Variants in MGST1 observed in about 807,000 individuals in gnomAD.
MGST1 encodes the protein microsomal glutathione S-transferase 1.
MGST1 carries 5 observed loss-of-function variants against 8.9 expected under a neutral mutation model. That is an observed-to-expected ratio of 0.56 (90% CI 0.29 to 1.19). The LOEUF (loss-of-function observed/expected upper bound fraction) is 1.19, where lower values mean the gene tolerates loss of function less well. Ranked by LOEUF, MGST1 falls within the 50% of genes most tolerant of loss-of-function variation. The pLI, the probability that MGST1 is intolerant of heterozygous loss-of-function variation, is 0.08. For missense variants in MGST1, 182 were observed against 187.4 expected (o/e 0.97, Z 0.17); for synonymous variants, 54 against 67.8 (o/e 0.80, Z 1.00).
In MGST1 at chr12:16,363,749, C is replaced by T; in HGVS notation, c.222-46C>T. On this transcript the variant is annotated intron_variant, in intron 3 of 3. Transcript: ENST00000396210. The surrounding 1 kb of genome is among the most constrained non-coding windows in gnomAD (Gnocchi z 4.6). ...AAGAGAGAGAAAAAAGGATACATAT[C>T]TAGTATTTTGAAATTAGTGTCTTTA... The T allele has an allele frequency of 6.8e-7, 1 of 1,468,286 alleles. No homozygotes were observed. Among genetic ancestry groups the T allele is most frequent in the Non-Finnish European group, 9.2e-7 (1 of 1,086,270 alleles). The allele number at this position is 1,468,286 out of a possible 1,614,324, so 91.0% of individuals were successfully genotyped here. A position where few individuals can be genotyped will look rare whatever the true frequency, so the allele number is the denominator to read the frequency against.
At chr12:16,526,690 G>T (rs1318597887) in intron 4 of MGST1, among the ~76,000 whole-genome samples, 1 of 151,902 alleles carries the variant, frequency 6.6e-6, no homozygotes, top group African/African-American at 2.4e-5. Flanking sequence ...ATTAGGTAAG[G>T]TATTTATAAT....
intron 4 of MGST1, among the ~76,000 whole-genome samples, chr12:16,580,503 G>A (rs1021253898): frequency 6.6e-6 from 1 of 152,134 alleles, no homozygotes; most frequent in East Asian, 1.9e-4. Flanking sequence ...ATCTTGGATT[G>A]GATCTTGATT....
At chr12:16,400,190 T>C in intron 1 of MGST1, 1 of 1,022,420 alleles carries the variant, frequency 9.8e-7, no homozygotes, top group Non-Finnish European at 1.6e-6. Context: ...TCCGTGGTTG[T>C]CTCTCCCACT....
intron 1 of MGST1, among the ~76,000 whole-genome samples, chr12:16,405,838 A>G (rs1164560305): frequency 6.6e-6 from 1 of 152,232 alleles, no homozygotes; most frequent in Non-Finnish European, 1.5e-5. Context: ...TAGACATAGA[A>G]AAGGCTTTTG....
chr12:16,460,597 G>GTTTT (rs368666166), intron 4 of MGST1, among the ~76,000 whole-genome samples: 2 of 131,998 alleles, frequency 1.5e-5, no homozygotes, highest in Non-Finnish European at 3.2e-5. Flanking sequence ...ATTCAGGTCA[G>GTTTT]TTTTTTTTTT....
At chr12:16,591,738 T>C (rs1943500931), downstream of MGST1, among the ~76,000 whole-genome samples, 1 of 152,064 alleles carries the variant, frequency 6.6e-6, no homozygotes, top group African/African-American at 2.4e-5. The surrounding 1 kb of genome is among the most constrained non-coding windows in gnomAD (Gnocchi z 4.1). Context: ...ACAAATAGCA[T>C]GAAAGTTACA....
At chr12:16,371,997 C>CT (rs1940301124) in intron 3 of MGST1, among the ~76,000 whole-genome samples, 1 of 151,960 alleles carries the variant, frequency 6.6e-6, no homozygotes, top group Admixed American at 6.6e-5. Flanking sequence ...AAAAAGGAAA[C>CT]TAGACCTCTA....
chr12:16,446,379 C>G (rs1170889855), intron 4 of MGST1, among the ~76,000 whole-genome samples: 1 of 151,922 alleles, frequency 6.6e-6, no homozygotes, highest in Non-Finnish European at 1.5e-5. Context: ...AAACCTCACT[C>G]AGGTCCAGGA....
In MGST1 at chr12:16,430,832, C is replaced by T. The variant is rs937508778; in HGVS notation, n.779-6556C>T. Among the ~76,000 whole-genome samples the T allele has an allele frequency of 1.1e-4, 17 of 152,232 alleles. No individual in the cohort carries two copies. In the East Asian group the frequency reaches 1.4e-3, roughly 12 times the overall value. On this transcript the variant is annotated intron_variant and non_coding_transcript_variant, in intron 1 of 1. Coordinates refer to the MGST1 transcript ENST00000359720. ...TCTGCATTAGCCTCTAACAAGACAG[C>T]GAGCCCGTCCTTTGAAGCTTTCAAG... is the stretch of plus-strand genomic sequence containing the variant.
At chr12:16,360,717 A>C (rs1939949792) in intron 3 of MGST1, among the ~76,000 whole-genome samples, 1 of 152,186 alleles carries the variant, frequency 6.6e-6, no homozygotes, top group African/African-American at 2.4e-5. Flanking sequence ...CAGGAGAGAC[A>C]TTTAGAATAT....
At chr12:16,348,246 A>G (rs1939288580) in intron 1 of MGST1, among the ~76,000 whole-genome samples, 1 of 152,192 alleles carries the variant, frequency 6.6e-6, no homozygotes, top group Admixed American at 6.5e-5. Flanking sequence ...ACTGCTAATA[A>G]TGCTAGCTAT....
At chr12:16,579,185 T>C (rs1240872262) in intron 4 of MGST1, among the ~76,000 whole-genome samples, 1 of 152,166 alleles carries the variant, frequency 6.6e-6, no homozygotes, top group Non-Finnish European at 1.5e-5. Flanking sequence ...ATATATATAT[T>C]CCCTTAGATA....
intron 1 of MGST1, among the ~76,000 whole-genome samples, chr12:16,428,155 T>A (rs1389134980): frequency 6.6e-6 from 1 of 151,980 alleles, no homozygotes; most frequent in Non-Finnish European, 1.5e-5. Flanking sequence ...TTTTCATAAA[T>A]GTCCCTTCAT....
chr12:16,366,628 T>TACACACACACAC (rs374809283), downstream of MGST1, among the ~76,000 whole-genome samples: 1 of 83,926 alleles, frequency 1.2e-5, no homozygotes, highest in Admixed American at 1.2e-4. This position sits in a 1 kb window ranked among gnomAD's most constrained non-coding sequence, Gnocchi z 4.0. Context: ...TATCTGTGTG[T>TACACACACACAC]ACACACACAC....
chr12:16,528,148 C>T (rs1296569066), intron 4 of MGST1, among the ~76,000 whole-genome samples: 9 of 151,972 alleles, frequency 5.9e-5, no homozygotes, highest in African/African-American at 2.2e-4. Context: ...AATTCCAAAT[C>T]GTTTTGGCTT....
chr12:16,557,635 T>G (rs1942241985), intron 4 of MGST1, among the ~76,000 whole-genome samples: 2 of 152,074 alleles, frequency 1.3e-5, no homozygotes, highest in Admixed American at 6.5e-5. Context: ...ATATATGTCT[T>G]GTGGGAAAGT....
At chr12:16,552,856 T>A (rs973995421) in intron 4 of MGST1, among the ~76,000 whole-genome samples, 3 of 152,086 alleles carry the variant, frequency 2.0e-5, no homozygotes, top group South Asian at 2.1e-4. Context: ...AATAATGGTG[T>A]TTGTGCAAGC....
In MGST1 at chr12:16,586,663, C is replaced by A. The variant is rs768994326; in HGVS notation, n.483-2865C>A. On this transcript the variant is annotated intron_variant and non_coding_transcript_variant, in intron 4 of 4. Coordinates refer to the MGST1 transcript ENST00000538857. The surrounding 1 kb of genome is among the most constrained non-coding windows in gnomAD (Gnocchi z 4.3). ...CCTAGGATGTGGCAATAAGGCTATA[C>A]CGTCGGGGTAGAGATTTCAAGATAC... 3.9e-5 allele frequency among the ~76,000 whole-genome samples: 6 copies of A among 152,184 alleles called. No homozygotes were observed. The highest frequency in any genetic ancestry group is 5.9e-5 in the Non-Finnish European group (4 of 68,040).
At chr12:16,370,910 G>T (rs1459614946) in intron 3 of MGST1, among the ~76,000 whole-genome samples, 2 of 152,236 alleles carry the variant, frequency 1.3e-5, no homozygotes, top group Middle Eastern at 3.4e-3. Flanking sequence ...TTATTAATGA[G>T]GTCAAGCTCA....
Sources: allele counts gnomAD v4.1 joint callset (sites outside exome capture counted in the v4.1 genomes callset), GRCh38; gene constraint gnomAD v4.1.1; non-coding constraint Gnocchi (gnomAD v3.1); transcripts MANE v1.5; gene names NCBI Gene and HGNC (gene_info 2026-07-23, HGNC 2026-07-21).